The following ATP8A2 variants were observed in gnomAD, a reference collection of about 807,000 sequenced individuals.
ATP8A2 encodes ATPase phospholipid transporting 8A2, also known as phospholipid-transporting ATPase IB.
A neutral mutation model predicts 165.6 loss-of-function variants in ATP8A2; 100 were observed. That is an observed-to-expected ratio of 0.60 (90% CI 0.51 to 0.71). The LOEUF is 0.71. Among genes scored for constraint, ATP8A2 ranks in the 30% least tolerant of loss-of-function variants. ATP8A2 has a pLI of 0.00. For synonymous variants in ATP8A2, 543 were observed against 548.8 expected, an observed-to-expected ratio of 0.99 and a Z score of 0.15; for missense variants, 1,227 against 1,479.5, an observed-to-expected ratio of 0.83 and a Z score of 2.80.
chr13:25,835,422 T>A lies in ATP8A2; in HGVS notation c.2755-1741T>A, dbSNP rs191455374. Reference sequence around the variant, plus strand: ...TGACTCTACTCACCACACATCTGATTGCCTGCTCCCAATAGACTTGGGAAC... The same window carrying A: ...TGACTCTACTCACCACACATCTGATAGCCTGCTCCCAATAGACTTGGGAAC... On this transcript the variant is annotated intron_variant, in intron 28 of 36. Coordinates refer to ENST00000381655, the MANE Select transcript of ATP8A2 (RefSeq NM_016529.6). Among the ~76,000 whole-genome samples the A allele has an allele frequency of 9.1e-4, 139 of 152,236 alleles. 1 individual carries two copies. Among genetic ancestry groups the A allele is most frequent in the Non-Finnish European group, 2.6e-4 (18 of 68,028 alleles).
intron 2 of ATP8A2, among the ~76,000 whole-genome samples, chr13:25,506,963 C>G (rs973713890): frequency 1.2e-5 from 1 of 81,412 alleles, no homozygotes; most frequent in Non-Finnish European, 2.9e-5. Flanking sequence ...ATATATATAT[C>G]TTATTTTACA....
chr13:25,387,696 G>C (rs1454620489), intron 1 of ATP8A2, among the ~76,000 whole-genome samples: 10 of 152,016 alleles, frequency 6.6e-5, no homozygotes, highest in Non-Finnish European at 1.3e-4. Flanking sequence ...GTTTTTGATA[G>C]GTCTTTAAAC....
In ATP8A2 at chr13:25,632,481, T is replaced by C. The variant is rs991958201; in HGVS notation, c.2211+42782T>C. Among the ~76,000 whole-genome samples, 14 of 152,184 alleles carry C rather than the reference T, an allele frequency of 9.2e-5. No individual in the cohort carries two copies. The East Asian group carries it at 2.7e-3, about 29-fold the overall frequency. ...CTCATTAACATGCGAAAGACATCAC[T>C]CTTGAGATTCCAAAGGTGTTTGGGG... On this transcript the variant is annotated intron_variant, in intron 24 of 36. Transcript: ENST00000381655.
Position 25,564,031 on chromosome 13 carries a change from T to A in ATP8A2, c.1473T>A (p.His491Gln). ...TGTTGAAGAACATTGAGGATCGCCA[T>A]GTAAGTGCTCTGTTTTACTTCGAAG... is the stretch of plus-strand genomic sequence containing the variant. ...PRLLKNIEDR[H>Q]PTAPCIQEFL... The change falls in exon 16 of 37, where the codon CAT becomes CAA. Residue 491 changes from histidine to glutamine, a missense_variant and splice_region_variant. Coordinates refer to ENST00000381655, the MANE Select transcript of ATP8A2 (RefSeq NM_016529.6). 1 of 1,608,970 alleles carries A rather than the reference T, an allele frequency of 6.2e-7. No homozygotes were observed. The highest frequency in any genetic ancestry group is 1.1e-5 in the South Asian group (1 of 90,990).
chr13:25,447,586 G>A (rs1327158707), intron 1 of ATP8A2, among the ~76,000 whole-genome samples: 1 of 152,178 alleles, frequency 6.6e-6, no homozygotes, highest in East Asian at 1.9e-4. Flanking sequence ...GTGTCTAGGG[G>A]TTGTCTGCAA....
At position 25,491,291 on chromosome 13, in the gene ATP8A2, A is replaced by G. The variant is rs949584674; in HGVS notation, c.221+22170A>G. Among the ~76,000 whole-genome samples, 4 of 152,180 alleles carry G rather than the reference A, an allele frequency of 2.6e-5. No individual in the cohort carries two copies. The East Asian group carries it at 7.7e-4, about 29-fold the overall frequency. ...AACAGTACATGTGCATTTTGAGAGC[A>G]AGGTCCTAAGAGTTAGGACAGGTCT... On this transcript the variant is annotated intron_variant, in intron 2 of 36. Coordinates refer to ENST00000381655, the MANE Select transcript of ATP8A2 (RefSeq NM_016529.6).
chr13:25,521,865 G>T (rs1053119969), intron 2 of ATP8A2, among the ~76,000 whole-genome samples: 1 of 152,094 alleles, frequency 6.6e-6, no homozygotes, highest in African/African-American at 2.4e-5. Context: ...TGCTGATTTG[G>T]TTACTACAGC....
At chr13:25,576,587 G>C (rs1278738267) in intron 19 of ATP8A2, among the ~76,000 whole-genome samples, 1 of 151,984 alleles carries the variant, frequency 6.6e-6, no homozygotes, top group Non-Finnish European at 1.5e-5. Flanking sequence ...GAGTTCCTTG[G>C]TGCTAAATTG....
chr13:25,879,815 C>T (rs1952925228), intron 33 of ATP8A2, among the ~76,000 whole-genome samples: 1 of 152,204 alleles, frequency 6.6e-6, no homozygotes, highest in Admixed American at 6.5e-5. Flanking sequence ...ATTTGGCTTC[C>T]ATAGGGGAAA....
intron 33 of ATP8A2, among the ~76,000 whole-genome samples, chr13:25,934,209 T>C (rs1395633558): frequency 6.6e-6 from 1 of 152,234 alleles, no homozygotes; most frequent in Non-Finnish European, 1.5e-5. Flanking sequence ...AAGCAGCCTG[T>C]ATAGGATTTC....
chr13:25,513,368 G>T (rs1182479477), intron 2 of ATP8A2, among the ~76,000 whole-genome samples: 1 of 151,858 alleles, frequency 6.6e-6, no homozygotes, highest in African/African-American at 2.4e-5. Context: ...TGGGCGGCCG[G>T]GCAGAGACGC....
chr13:25,837,172 G>A lies in ATP8A2; in HGVS notation c.2764G>A (p.Ala922Thr), dbSNP rs190982690. ...CIGLYNVIFT[A>T]LPPFTLGIFE... is the part of the protein sequence containing the mutation. ...ATTGTTCTCCCTGCAGATTTTCACC[G>A]CTTTGCCGCCCTTCACTCTGGGAAT... The change falls in exon 29 of 37, where the codon GCT (alanine) becomes ACT (threonine). Residue 922 changes from alanine to threonine, a missense_variant. Coordinates refer to ENST00000381655, the MANE Select transcript of ATP8A2 (RefSeq NM_016529.6). The A allele has an allele frequency of 5.8e-5, 94 of 1,613,604 alleles. No individual in the cohort carries two copies. Among genetic ancestry groups the A allele is most frequent in the Middle Eastern group, 1.7e-4 (1 of 5,986 alleles).
intron 2 of ATP8A2, among the ~76,000 whole-genome samples, chr13:25,470,365 G>A (rs924106207): frequency 1.3e-5 from 2 of 152,210 alleles, no homozygotes; most frequent in African/African-American, 4.8e-5. Flanking sequence ...AAGATACAGA[G>A]CATCAGTCGC....
intron 24 of ATP8A2, among the ~76,000 whole-genome samples, chr13:25,630,085 C>CCA (rs10676600): frequency 0.27 from 41,455 of 151,468 alleles, 5,875 homozygotes; most frequent in South Asian, 0.36. Flanking sequence ...TTGTCCCCCC[C>CCA]CCACCACCAA....
chr13:25,830,482 T>C (rs1279957687), intron 28 of ATP8A2, among the ~76,000 whole-genome samples: 1 of 152,154 alleles, frequency 6.6e-6, no homozygotes. Context: ...CAGTGAGTGC[T>C]GGCAGTTGGG....
At chr13:25,575,894 A>G (rs887840473) in intron 19 of ATP8A2, among the ~76,000 whole-genome samples, 1 of 152,190 alleles carries the variant, frequency 6.6e-6, no homozygotes, top group African/African-American at 2.4e-5. Context: ...GGAGGAGGAG[A>G]AAAGGGAGTT....
At chr13:25,527,494 A>G (rs921634806) in intron 2 of ATP8A2, among the ~76,000 whole-genome samples, 1 of 152,154 alleles carries the variant, frequency 6.6e-6, no homozygotes, top group Non-Finnish European at 1.5e-5. Flanking sequence ...GTAGTGTTAT[A>G]TCTTTAATTC....
chr13:25,634,720 T>A (rs1296727636), intron 24 of ATP8A2, among the ~76,000 whole-genome samples: 2 of 152,150 alleles, frequency 1.3e-5, no homozygotes, highest in South Asian at 4.1e-4. Flanking sequence ...AAATTAAAAA[T>A]GACTGAAAGA....
intron 33 of ATP8A2, among the ~76,000 whole-genome samples, chr13:25,929,376 G>A (rs1331341481): frequency 6.6e-6 from 1 of 152,180 alleles, no homozygotes; most frequent in Non-Finnish European, 1.5e-5. Flanking sequence ...GAGGGTGGCG[G>A]TGCTAAAGCA....
Sources: gnomAD v4.1 joint callset for allele counts (sites outside exome capture counted in the v4.1 genomes callset) on GRCh38, gnomAD v4.1.1 for gene constraint, MANE v1.5 for transcripts, NCBI Gene and HGNC (gene_info 2026-07-23, HGNC 2026-07-21) for gene names.